The following DYM variants were observed in gnomAD, a reference collection of about 807,000 sequenced individuals.
The protein encoded by DYM is dyggve-Melchior-Clausen syndrome protein.
Under a neutral mutation model 93.1 loss-of-function variants are expected in DYM, and 78 were observed. The observed-to-expected ratio is 0.84, with a 90% CI of 0.70 to 1.01. The LOEUF is 1.01. Among genes scored for constraint, DYM ranks in the 50% least tolerant of loss-of-function variants. The pLI is 0.00. For synonymous variants in DYM, 321 were observed against 319.7 expected, an observed-to-expected ratio of 1.00 and a Z score of -0.04; for missense variants, 789 against 845.0, an observed-to-expected ratio of 0.93 and a Z score of 0.82.
chr18:49,321,031 C>T (rs1209587271), intron 8 of DYM: 2 of 199,576 alleles, frequency 1.0e-5, no homozygotes, highest in Non-Finnish European at 2.0e-5. Context: ...TAAAAGTTTA[C>T]ACTCACTTGA....
intron 15 of DYM, among the ~76,000 whole-genome samples, chr18:49,120,458 C>T (rs1303415877): frequency 2.0e-5 from 3 of 152,102 alleles, no homozygotes; most frequent in African/African-American, 7.2e-5. Context: ...GGATTGGTTC[C>T]AGGACATCCC....
chr18:49,056,809 A>T (rs565475815), intron 17 of DYM, among the ~76,000 whole-genome samples: 229 of 152,252 alleles, frequency 1.5e-3, no homozygotes, highest in African/African-American at 5.2e-3. Context: ...GGCCTCCCAA[A>T]GTGCTGCGAT....
At chr18:49,204,533 C>T (rs1191197928) in intron 14 of DYM, among the ~76,000 whole-genome samples, 1 of 152,232 alleles carries the variant, frequency 6.6e-6, no homozygotes, top group East Asian at 1.9e-4. Context: ...TCTCACCAAA[C>T]TTATTCACTA....
intron 2 of DYM, among the ~76,000 whole-genome samples, chr18:49,424,449 T>C (rs1383149779): frequency 6.6e-6 from 1 of 151,996 alleles, no homozygotes; most frequent in Non-Finnish European, 1.5e-5. Context: ...TTGTACTGAC[T>C]GGCAAAAACT....
At chr18:49,348,974 G>C (rs905064922) in intron 6 of DYM, among the ~76,000 whole-genome samples, 1 of 150,036 alleles carries the variant, frequency 6.7e-6, no homozygotes. Context: ...TTGGGAGGCC[G>C]AAGTGGGCAG....
chr18:49,379,908 A>G (rs1404655076), intron 3 of DYM, 150 bp from the exon 4 acceptor site: 2 of 658,438 alleles, frequency 3.0e-6, no homozygotes, highest in East Asian at 5.5e-5. Flanking sequence ...AGAACTAAGC[A>G]ATGAGAGAAA....
intron 17 of DYM, among the ~76,000 whole-genome samples, chr18:49,079,761 T>C (rs1452187786): frequency 2.0e-5 from 3 of 151,862 alleles, no homozygotes; most frequent in Non-Finnish European, 4.4e-5. Context: ...CAGAAGAATT[T>C]ATCTTAGTAC....
intron 14 of DYM, among the ~76,000 whole-genome samples, chr18:49,168,844 A>C (rs940621133): frequency 1.3e-5 from 2 of 152,182 alleles, no homozygotes; most frequent in Non-Finnish European, 2.9e-5. Context: ...AGGACTTGCT[A>C]TTTGGAAAAG....
intron 17 of DYM, 32 bp downstream of exon 17, chr18:49,097,370 G>C: frequency 6.3e-7 from 1 of 1,591,636 alleles, no homozygotes; most frequent in Non-Finnish European, 8.6e-7. Context: ...GGACACGGCA[G>C]TGTCAAGTGG....
At chr18:49,407,135 T>C (rs992403248) in intron 2 of DYM, among the ~76,000 whole-genome samples, 1 of 152,190 alleles carries the variant, frequency 6.6e-6, no homozygotes, top group African/African-American at 2.4e-5. Context: ...TACATAATAT[T>C]GCTGAAATAA....
chr18:49,196,664 A>G (rs1305841164), intron 14 of DYM, among the ~76,000 whole-genome samples: 1 of 152,212 alleles, frequency 6.6e-6, no homozygotes, highest in Non-Finnish European at 1.5e-5. Flanking sequence ...ACATGCAAAA[A>G]GTCCTGAGAT....
At chr18:49,070,539 GTCT>G (rs771414794) in intron 17 of DYM, among the ~76,000 whole-genome samples, 20 of 152,156 alleles carry the variant, frequency 1.3e-4, no homozygotes, top group Non-Finnish European at 2.8e-4. Flanking sequence ...AGTGTGAACA[GTCT>G]TCTTTTGCCT....
chr18:49,419,123 G>A (rs527639758), intron 2 of DYM, among the ~76,000 whole-genome samples: 13 of 152,226 alleles, frequency 8.5e-5, no homozygotes, highest in East Asian at 7.7e-4. Flanking sequence ...AGCACTTTGG[G>A]AGGTCAAGGC....
chr18:49,117,148 C>T (rs987978955), intron 16 of DYM, among the ~76,000 whole-genome samples: 1 of 152,154 alleles, frequency 6.6e-6, no homozygotes, highest in Non-Finnish European at 1.5e-5. Context: ...GGCAACTATA[C>T]CCAAATTCCC....
chr18:49,289,350 G>A (rs1453443950), intron 8 of DYM, among the ~76,000 whole-genome samples: 1 of 97,798 alleles, frequency 1.0e-5, no homozygotes, highest in African/African-American at 3.9e-5. Context: ...ATATGAAGAA[G>A]CAACATTCGT....
intron 2 of DYM, among the ~76,000 whole-genome samples, chr18:49,408,144 A>T (rs1353742323): frequency 6.6e-6 from 1 of 152,160 alleles, no homozygotes; most frequent in Non-Finnish European, 1.5e-5. Context: ...TACATTTTAA[A>T]ATATATATAC....
At chr18:49,237,688 G>A (rs184399666) in intron 13 of DYM, among the ~76,000 whole-genome samples, 16 of 152,222 alleles carry the variant, frequency 1.1e-4, no homozygotes, top group East Asian at 7.7e-4. Flanking sequence ...GAGATGAGAG[G>A]AAAAACATAC....
intron 3 of DYM, among the ~76,000 whole-genome samples, chr18:49,380,698 A>AG: frequency 6.6e-6 from 1 of 152,356 alleles, no homozygotes; most frequent in East Asian, 1.9e-4. Context: ...AGAAGCTAAG[A>AG]ATTCATCAGA....
chr18:49,363,251 A>C lies in DYM; in HGVS notation c.422-18T>G, dbSNP rs761303033. 4 of 1,601,980 alleles carry C rather than the reference A, an allele frequency of 2.5e-6. No homozygotes were observed. Among genetic ancestry groups the C allele is most frequent in the Admixed American group, 1.7e-5 (1 of 59,510 alleles). On this transcript the variant is annotated intron_variant, in intron 5 of 17. Transcript: ENST00000675505. ...GTCAGAACCTGGTAAGACACATAAA[A>C]AGATTTTTTTTTAACAAAGTACACA...
Sources: allele counts gnomAD v4.1 joint callset (sites outside exome capture counted in the v4.1 genomes callset), GRCh38; gene constraint gnomAD v4.1.1; transcripts MANE v1.5; gene names NCBI Gene and HGNC (gene_info 2026-07-23, HGNC 2026-07-21).